The following SDE2 variants were observed in gnomAD, a reference collection of about 807,000 sequenced individuals.
SDE2 encodes spliceosome associated SDE2.
SDE2 carries 31 observed loss-of-function variants against 46.9 expected under a neutral mutation model. That is an observed-to-expected ratio of 0.66 (90% CI 0.50 to 0.89). The LOEUF (loss-of-function observed/expected upper bound fraction) is 0.89. Among genes scored for constraint, SDE2 ranks in the 40% least tolerant of loss-of-function variants. The pLI is 0.00. For missense variants in SDE2, 542 were observed against 564.4 expected, an observed-to-expected ratio of 0.96 and a Z score of 0.40; for synonymous variants, 205 against 204.3, an observed-to-expected ratio of 1.00 and a Z score of -0.03.
intron 5 of SDE2, among the ~76,000 whole-genome samples, chr1:225,988,749 A>G (rs1374962321): frequency 6.6e-6 from 1 of 152,110 alleles, no homozygotes. Flanking sequence ...AAATAAAGCA[A>G]AGAGTTATAG....
rs1656424144 is a variant in SDE2 at position 225,992,474 on chromosome 1, C to T, written c.444G>A (p.Lys148=). ...GGTAGTCGGGGCTGGTGAAGCAGTG[C>T]TTGGGTTCTACAAGCTTCCGCTGCA... The part of the protein sequence containing the change: ...ERLQRKLVEP[K]HCFTSPDYQQ... Residue 148 remains lysine (K), a synonymous_variant, in exon 4 of 7, where the codon AAG becomes AAA. Coordinates refer to ENST00000272091, the MANE Select transcript of SDE2 (RefSeq NM_152608.4). 1.9e-6 allele frequency: 3 copies of T among 1,613,366 alleles called. No homozygotes were observed. Among genetic ancestry groups the T allele is most frequent in the Non-Finnish European group, 1.7e-6 (2 of 1,179,814 alleles).
In SDE2 at chr1:225,987,936, A is replaced by T. The variant is rs773260083; in HGVS notation, c.1094T>A (p.Val365Asp). ...GCTTTCCTGCAGTTTGGCAACGGCAACGTTTTCCCTTTCTTCAGGTGCTAC... is the reference window on the plus strand; with the variant it reads ...GCTTTCCTGCAGTTTGGCAACGGCATCGTTTTCCCTTTCTTCAGGTGCTAC... ...AEVAPEEREN[V>D]AVAKLQESQP... The change falls in exon 6 of 7, where the codon GTT becomes GAT. Residue 365 changes from valine (V) to aspartate (D), a missense_variant. Physicochemically the swap from Val to Asp is radical, Grantham distance 152. Transcript: ENST00000272091. 1 of 1,612,880 alleles carries T rather than the reference A, an allele frequency of 6.2e-7. No homozygotes were observed. Among genetic ancestry groups the T allele is most frequent in the Admixed American group, 1.7e-5 (1 of 59,650 alleles).
chr1:225,988,680 G>C (rs1656325829), intron 5 of SDE2, among the ~76,000 whole-genome samples: 3 of 152,152 alleles, frequency 2.0e-5, no homozygotes, highest in Admixed American at 1.3e-4. Flanking sequence ...GGTGAGACGA[G>C]ATCGCGCCAT....
chr1:225,984,975 C>A lies in SDE2; in HGVS notation c.*327G>T. 3.4e-6 allele frequency: 1 copy of A among 292,856 alleles called. No homozygotes were observed. The highest frequency in any genetic ancestry group is 6.4e-6 in the Non-Finnish European group (1 of 156,342). The allele number at this position is 292,856 out of a possible 1,614,324, so 18.1% of individuals were successfully genotyped here. ...GTAAGAAGGGACCATTATAAATAAC[C>A]TTATGTCTACAAATTTGATAACCTG... is the stretch of plus-strand genomic sequence containing the variant. On this transcript the variant is annotated 3_prime_UTR_variant, in exon 7 of 7. Coordinates refer to ENST00000272091, the MANE Select transcript of SDE2 (RefSeq NM_152608.4).
intron 6 of SDE2, 105 bp downstream of exon 6, chr1:225,987,791 C>T: frequency 1.9e-6 from 2 of 1,043,236 alleles, no homozygotes; most frequent in Non-Finnish European, 2.8e-6. Flanking sequence ...ATCAAATAAG[C>T]CTTTCACTAA....
At position 225,999,333 on chromosome 1, in the gene SDE2, C is replaced by G; in HGVS notation, c.-21G>C. 2 of 1,607,264 alleles carry G rather than the reference C, an allele frequency of 1.2e-6. No individual in the cohort carries two copies. Among genetic ancestry groups the G allele is most frequent in the East Asian group, 2.2e-5 (1 of 44,598 alleles). On this transcript the variant is annotated 5_prime_UTR_variant, in exon 1 of 7. Transcript: ENST00000272091. The stretch of plus-strand genomic sequence containing the variant: ...GCCATGTCACCGACTACCCGAACCT[C>G]AAGCCTCTCTGAGACACCAGGCGCC...
At chr1:225,988,426 GCTT>G in intron 5 of SDE2, 38 bp from the exon 6 acceptor site, 1 of 1,604,590 alleles carries the variant, frequency 6.2e-7, no homozygotes, top group Non-Finnish European at 8.5e-7. Context: ...AGCGTTTGTA[GCTT>G]CTATTTAAAG....
chr1:225,995,718 T>C (rs1276877908), intron 1 of SDE2, among the ~76,000 whole-genome samples: 1 of 152,138 alleles, frequency 6.6e-6, no homozygotes, highest in East Asian at 1.9e-4. Flanking sequence ...GGAGGTCCCA[T>C]TTTCTGACTT....
intron 4 of SDE2, 52 bp downstream of exon 4, chr1:225,992,346 C>G: frequency 7.0e-7 from 1 of 1,425,822 alleles, no homozygotes; most frequent in Middle Eastern, 1.8e-4. Flanking sequence ...GCAGTCTGAA[C>G]AGCTGGCTTC....
At position 225,992,445 on chromosome 1, in the gene SDE2, T is replaced by C; in HGVS notation, c.473A>G (p.Gln158Arg). ...ACGCTCAGCCATCTCATGGCACTGC[T>C]GCTGGTAGTCGGGGCTGGTGAAGCA... ...KHCFTSPDYQ[Q>R]QCHEMAERLE... Residue 158 changes from glutamine (Q) to arginine (R), a missense_variant, in exon 4 of 7, where the codon CAG becomes CGG. Physicochemically the swap from Gln to Arg is conservative, Grantham distance 43 (BLOSUM62 1). This residue lies in a region of SDE2 where 401 missense variants were observed against 437.8 expected (regional missense o/e 0.92). Transcript: ENST00000272091. 6.2e-7 allele frequency: 1 copy of C among 1,613,806 alleles called. No homozygotes were observed. The highest frequency in any genetic ancestry group is 8.5e-7 in the Non-Finnish European group (1 of 1,179,926).
Position 225,992,900 on chromosome 1 carries a change from T to C in SDE2, c.341A>G (p.His114Arg). The C allele has an allele frequency of 6.2e-7, 1 of 1,602,498 alleles. No individual in the cohort carries two copies. Among genetic ancestry groups the C allele is most frequent in the Non-Finnish European group, 8.5e-7 (1 of 1,169,660 alleles). Residue 114 changes from histidine to arginine, a missense_variant, in exon 3 of 7, where the codon CAT (histidine) becomes CGT (arginine). His to Arg is a conservative substitution (Grantham distance 29, BLOSUM62 0). Transcript: ENST00000272091. ...LSGRRLRDVN[H>R]EKAMAEWVKQ... ...AAGGTGGGCATCTTACGCTTTTTCA[T>C]GATTGACATCGCGTAGTCTCCTTCC...
At chr1:225,993,108 TTTC>T in intron 2 of SDE2, 106 bp from the exon 3 acceptor site, 1 of 251,080 alleles carries the variant, frequency 4.0e-6, no homozygotes, top group South Asian at 5.5e-5. Flanking sequence ...TGATCTCTAC[TTTC>T]TTTCTTTTTT....
In SDE2 at chr1:225,985,431, C is replaced by G; in HGVS notation, c.1227G>C (p.Met409Ile). 6.2e-7 allele frequency: 1 copy of G among 1,614,080 alleles called. No individual in the cohort carries two copies. The highest frequency in any genetic ancestry group is 8.5e-7 in the Non-Finnish European group (1 of 1,179,932). Reference sequence around the variant, plus strand: ...TGCCCCCACATTTCAGTCCAAGGGCCATCAGTTCACATTTGAGCTTCTCCA... The same window carrying G: ...TGCCCCCACATTTCAGTCCAAGGGCGATCAGTTCACATTTGAGCTTCTCCA... ...LGLEKLKCEL[M>I]ALGLKCGGTL... The change falls in exon 7 of 7, where the codon ATG becomes ATC. Residue 409 changes from methionine to isoleucine, a missense_variant. This residue lies in a region of SDE2 where 401 missense variants were observed against 437.8 expected (regional missense o/e 0.92). Coordinates refer to ENST00000272091, the MANE Select transcript of SDE2 (RefSeq NM_152608.4).
In SDE2 at chr1:225,983,141, G is replaced by A. The variant is rs375088281; in HGVS notation, c.*2161C>T. 4 of 152,272 alleles carry A rather than the reference G, an allele frequency of 2.6e-5. No homozygotes were observed. The East Asian group carries it at 7.7e-4, about 29-fold the overall frequency. The allele number at this position is 152,272 out of a possible 1,614,324, so 9.4% of individuals were successfully genotyped here. A position where few individuals can be genotyped will look rare whatever the true frequency, so the allele number is the denominator to read the frequency against. On this transcript the variant is annotated 3_prime_UTR_variant, in exon 7 of 7. Transcript: ENST00000272091. ...GAACAGATAAAAATGCAAGTCTCAAGTATATGTTGTTTAAAGAAACTACTT... is the reference window on the plus strand; with the variant it reads ...GAACAGATAAAAATGCAAGTCTCAAATATATGTTGTTTAAAGAAACTACTT...
rs1205807989 is a variant in SDE2, at chr1:225,992,397, C to A, written c.520+1G>T. On this transcript the variant is annotated splice_donor_variant, in intron 4 of 6. Coordinates refer to ENST00000272091, the MANE Select transcript of SDE2 (RefSeq NM_152608.4). LOFTEE classifies it high-confidence loss of function. Reference sequence around the variant, plus strand: ...ACACACTAAGGAATCCTCATTCTCACCTTTGAGGACGGAATCCTCCAGACG... The same window carrying A: ...ACACACTAAGGAATCCTCATTCTCAACTTTGAGGACGGAATCCTCCAGACG... The A allele has an allele frequency of 1.2e-6, 2 of 1,612,302 alleles. No individual in the cohort carries two copies. The highest frequency in any genetic ancestry group is 1.7e-5 in the Admixed American group (1 of 60,000).
At chr1:225,994,952 G>A (rs1656489178) in intron 2 of SDE2, among the ~76,000 whole-genome samples, 1 of 152,170 alleles carries the variant, frequency 6.6e-6, no homozygotes. Context: ...ACTGAGGTGG[G>A]AGTATTGCTT....
chr1:225,998,103 G>A (rs537059587), intron 1 of SDE2, among the ~76,000 whole-genome samples: 1 of 152,154 alleles, frequency 6.6e-6, no homozygotes, highest in Non-Finnish European at 1.5e-5. Context: ...ACTCCAGCCC[G>A]GGCAACGGGA....
At chr1:225,989,517 T>C (rs1298492203) in intron 5 of SDE2, among the ~76,000 whole-genome samples, 3 of 150,884 alleles carry the variant, frequency 2.0e-5, no homozygotes, top group African/African-American at 7.3e-5. Context: ...TAGTTCCAAC[T>C]ACTGGGGAGG....
At chr1:225,995,069 A>G (rs1656492304) in intron 2 of SDE2, among the ~76,000 whole-genome samples, 197 bp downstream of exon 2, 1 of 152,190 alleles carries the variant, frequency 6.6e-6, no homozygotes, top group East Asian at 1.9e-4. Flanking sequence ...AAAGAATAAG[A>G]GAGAAAATGT....
Sources: allele counts gnomAD v4.1 joint callset (sites outside exome capture counted in the v4.1 genomes callset), GRCh38; gene constraint gnomAD v4.1.1; regional missense constraint gnomAD v4.1.1; transcripts MANE v1.5; gene names NCBI Gene and HGNC (gene_info 2026-07-23, HGNC 2026-07-21).